CCDC126: variants seen among roughly 807,000 people sequenced by gnomAD.
CCDC126 encodes coiled-coil domain containing 126.
In CCDC126, 5 loss-of-function variants were observed where a neutral mutation model predicts 11.7. The observed-to-expected ratio is 0.43, with a 90% CI of 0.22 to 0.90. CCDC126 has a LOEUF of 0.90. CCDC126 is among the 40% of genes least tolerant of loss of function. The pLI, the probability that CCDC126 is intolerant of heterozygous loss-of-function variation, is 0.27. For missense variants in CCDC126, 150 were observed against 163.1 expected, an observed-to-expected ratio of 0.92 and a Z score of 0.44; for synonymous variants, 60 against 61.9, an observed-to-expected ratio of 0.97 and a Z score of 0.14.
At position 23,638,525 on chromosome 7, in the gene CCDC126, G is replaced by C. The variant is rs916411523; in HGVS notation, c.239-4406G>C. Among the ~76,000 whole-genome samples the C allele has an allele frequency of 2.3e-4, 27 of 119,098 alleles. 1 individual carries two copies. The highest frequency in any genetic ancestry group is 9.7e-4 in the South Asian group (3 of 3,084). 78.1% of individuals were successfully genotyped at this position (119,098 alleles called of 152,430 possible). ...ACAGATGCTTGAAGGCAGCATGCTCGTTAAGAGTCATCACCACTCCCTAAT... is the reference window on the plus strand; with the variant it reads ...ACAGATGCTTGAAGGCAGCATGCTCCTTAAGAGTCATCACCACTCCCTAAT... On this transcript the variant is annotated intron_variant, in intron 3 of 3. Coordinates refer to ENST00000307471, the MANE Select transcript of CCDC126 (RefSeq NM_138771.4).
rs188725869 is a variant in CCDC126 at position 23,618,613 on chromosome 7, C to T, written c.238+7060C>T. 1.1e-3 allele frequency among the ~76,000 whole-genome samples: 164 copies of T among 146,332 alleles called. No homozygotes were observed. The East Asian group carries it at 0.017, about 15-fold the overall frequency. On this transcript the variant is annotated intron_variant, in intron 3 of 3. Transcript: ENST00000307471. The stretch of plus-strand genomic sequence containing the variant: ...TTGTTCAGGCCGGAGTGCAGTGGTG[C>T]AATCTTGGCTCACTGCAACATCCAC...
intron 3 of CCDC126, among the ~76,000 whole-genome samples, chr7:23,639,764 A>G (rs1019858256): frequency 5.3e-5 from 8 of 152,164 alleles, no homozygotes; most frequent in Admixed American, 4.6e-4. Context: ...TCTTTTTTTG[A>G]TAAGTATTTT....
At chr7:23,641,281 T>C (rs966363886) in intron 3 of CCDC126, among the ~76,000 whole-genome samples, 3 of 152,212 alleles carry the variant, frequency 2.0e-5, no homozygotes, top group African/African-American at 4.8e-5. Flanking sequence ...TCTTTTCATG[T>C]ACTTACTGGC....
chr7:23,598,881 C>T (rs1032139480), intron 2 of CCDC126, among the ~76,000 whole-genome samples: 2 of 152,194 alleles, frequency 1.3e-5, no homozygotes, highest in Non-Finnish European at 2.9e-5. Flanking sequence ...TCAATGTCCT[C>T]ATCTCTAAAA....
intron 3 of CCDC126, among the ~76,000 whole-genome samples, chr7:23,639,914 G>A (rs1250857038): frequency 2.6e-5 from 4 of 152,118 alleles, no homozygotes; most frequent in Admixed American, 2.6e-4. Flanking sequence ...GGTGGCTCAC[G>A]CCTGTAATCC....
chr7:23,598,029 A>C lies in CCDC126; in HGVS notation c.-168A>C, dbSNP rs1043486095. 6.6e-6 allele frequency: 1 copy of C among 152,292 alleles called. No homozygotes were observed. The highest frequency in any genetic ancestry group is 1.5e-5 in the Non-Finnish European group (1 of 68,110). 9.4% of individuals were successfully genotyped at this position (152,292 alleles called of 1,614,324 possible). A position where few individuals can be genotyped will look rare whatever the true frequency, so the allele number is the denominator to read the frequency against. ...GATGCCCCTTTTAAACTCCCTCTTC[A>C]AAACTCATCTCCTGGGTGACTGGTA... On this transcript the variant is annotated 5_prime_UTR_variant, in exon 2 of 4. Coordinates refer to ENST00000307471, the MANE Select transcript of CCDC126 (RefSeq NM_138771.4).
intron 3 of CCDC126, among the ~76,000 whole-genome samples, chr7:23,620,340 G>A (rs2128017871): frequency 6.6e-6 from 1 of 152,368 alleles, no homozygotes; most frequent in Middle Eastern, 3.4e-3. Context: ...CAGTGATGAT[G>A]AGCATTTTTT....
At chr7:23,638,138 A>G (rs1584219802) in intron 3 of CCDC126, among the ~76,000 whole-genome samples, 2 of 146,254 alleles carry the variant, frequency 1.4e-5, no homozygotes, top group Admixed American at 6.7e-5. Flanking sequence ...CCGGGAGGAG[A>G]GGGGCGCTTC....
chr7:23,614,094 G>T (rs1211869907), intron 3 of CCDC126, among the ~76,000 whole-genome samples: 1 of 152,162 alleles, frequency 6.6e-6, no homozygotes, highest in Non-Finnish European at 1.5e-5. Flanking sequence ...AATGAAGTTT[G>T]CCACATTGAT....
intron 2 of CCDC126, among the ~76,000 whole-genome samples, chr7:23,599,289 A>C (rs969227837): frequency 1.3e-5 from 2 of 151,980 alleles, no homozygotes; most frequent in Non-Finnish European, 2.9e-5. Flanking sequence ...ATTTATTTTC[A>C]TGACTTCTCC....
At chr7:23,620,935 T>C (rs1184209469) in intron 3 of CCDC126, among the ~76,000 whole-genome samples, 1 of 152,222 alleles carries the variant, frequency 6.6e-6, no homozygotes, top group African/African-American at 2.4e-5. Flanking sequence ...TCTATTGGTA[T>C]GTATCTCTGT....
At chr7:23,622,079 GA>G (rs1176183856) in intron 3 of CCDC126, among the ~76,000 whole-genome samples, 1 of 152,174 alleles carries the variant, frequency 6.6e-6, no homozygotes, top group Non-Finnish European at 1.5e-5. Context: ...TTGGTATCAG[GA>G]TGATGCTGGC....
At chr7:23,602,706 A>T (rs1782563792) in intron 2 of CCDC126, among the ~76,000 whole-genome samples, 1 of 152,140 alleles carries the variant, frequency 6.6e-6, no homozygotes, top group African/African-American at 2.4e-5. Context: ...CAGACTTTGT[A>T]CTTCCTCCTC....
At chr7:23,613,545 C>G (rs1410264062) in intron 3 of CCDC126, among the ~76,000 whole-genome samples, 1 of 152,148 alleles carries the variant, frequency 6.6e-6, no homozygotes, top group Non-Finnish European at 1.5e-5. Context: ...CTGTTAACTT[C>G]TCATTAAGCA....
At chr7:23,634,025 T>C (rs938803891) in intron 3 of CCDC126, among the ~76,000 whole-genome samples, 64 of 152,364 alleles carry the variant, frequency 4.2e-4, no homozygotes, top group African/African-American at 1.5e-3. Context: ...CATTTTACAT[T>C]TTACAACAGT....
Position 23,607,024 on chromosome 7 carries a change from G to A in CCDC126, c.-145-4147G>A, listed in dbSNP as rs112243902. 6.5e-4 allele frequency among the ~76,000 whole-genome samples: 99 copies of A among 152,208 alleles called. 2 individuals are homozygous for A. Among genetic ancestry groups the A allele is most frequent in the Middle Eastern group, 3.4e-3 (1 of 294 alleles). ...TAAGGTGGGAGGATTGCTTGAGCCC[G>A]GAAGGCCGAGGCTGCAGTGAGCTGA... is the stretch of plus-strand genomic sequence containing the variant. On this transcript the variant is annotated intron_variant, in intron 2 of 3. Transcript: ENST00000307471.
At chr7:23,602,332 C>T (rs1475085164) in intron 2 of CCDC126, 1 of 152,188 alleles carries the variant, frequency 6.6e-6, no homozygotes, top group Non-Finnish European at 1.5e-5. Context: ...TGACAGATTG[C>T]TACCTAGACC....
At chr7:23,640,454 G>A (rs1010910284) in intron 3 of CCDC126, among the ~76,000 whole-genome samples, 5 of 151,004 alleles carry the variant, frequency 3.3e-5, no homozygotes, top group Non-Finnish European at 5.9e-5. Context: ...CCGAGATCGC[G>A]CCATTGCACT....
intron 3 of CCDC126, among the ~76,000 whole-genome samples, chr7:23,622,163 C>T (rs1462779328): frequency 2.0e-5 from 3 of 152,182 alleles, no homozygotes; most frequent in Non-Finnish European, 2.9e-5. Flanking sequence ...ATGGTACCAG[C>T]TCCTCCTTGT....
Sources: allele counts gnomAD v4.1 joint callset (sites outside exome capture counted in the v4.1 genomes callset), GRCh38; gene constraint gnomAD v4.1.1; transcripts MANE v1.5; gene names NCBI Gene and HGNC (gene_info 2026-07-23, HGNC 2026-07-21).